RHOT1: variants seen among roughly 807,000 people sequenced by gnomAD.
RHOT1 encodes the protein ras homolog family member T1.
Under a neutral mutation model 95.3 loss-of-function variants are expected in RHOT1, and 27 were observed. The ratio of observed to expected loss-of-function variants is 0.28; its 90% CI spans 0.21 to 0.39. The LOEUF (loss-of-function observed/expected upper bound fraction) is 0.39. Ranked by LOEUF, RHOT1 falls within the 10% of genes least tolerant of loss-of-function variation. RHOT1 has a pLI of 1.00. For missense variants in RHOT1, 578 were observed against 786.7 expected, an observed-to-expected ratio of 0.73 and a Z score of 3.17; for synonymous variants, 227 against 263.5, an observed-to-expected ratio of 0.86 and a Z score of 1.34.
At chr17:32,154,270 G>A (rs1479060806) in intron 1 of RHOT1, among the ~76,000 whole-genome samples, 6 of 144,482 alleles carry the variant, frequency 4.2e-5, no homozygotes, top group Middle Eastern at 3.4e-3. Context: ...GGGAGACCCC[G>A]TCTCTACGAG....
At chr17:32,148,511 T>C (rs1008412108) in intron 1 of RHOT1, among the ~76,000 whole-genome samples, 3 of 131,134 alleles carry the variant, frequency 2.3e-5, no homozygotes, top group African/African-American at 8.6e-5. Flanking sequence ...TGATCTCGTT[T>C]GAAGGAGAAG....
At chr17:32,204,817 T>C (rs1024112740) in intron 16 of RHOT1, among the ~76,000 whole-genome samples, 29 of 151,650 alleles carry the variant, frequency 1.9e-4, no homozygotes, top group Non-Finnish European at 1.6e-4. Flanking sequence ...AAACCCTGTC[T>C]ACTAAAAGTA....
chr17:32,216,174 G>A (rs2038461662), intron 19 of RHOT1, among the ~76,000 whole-genome samples: 1 of 152,044 alleles, frequency 6.6e-6, no homozygotes, highest in African/African-American at 2.4e-5. Context: ...AATGTTACTA[G>A]ATTGTAGTGT....
At chr17:32,143,261 C>G in intron 1 of RHOT1, 1 of 365,262 alleles carries the variant, frequency 2.7e-6, no homozygotes, top group East Asian at 7.3e-5. Flanking sequence ...CAGGTTTCTG[C>G]ATTTTTTTGG....
chr17:32,201,076 T>TAC lies in RHOT1; in HGVS notation c.1201+20_1201+21insAC. On this transcript the variant is annotated intron_variant, in intron 14 of 19. Coordinates refer to ENST00000545287, the MANE Select transcript of RHOT1 (RefSeq NM_001033566.3). ...TTACAGGTAAGTATCTAGATACTGT[T>TAC]CAGCTCATGATTAGAGATATTTTTT... 1.4e-6 allele frequency: 2 copies of TAC among 1,392,768 alleles called. No individual in the cohort carries two copies. The highest frequency in any genetic ancestry group is 2.0e-6 in the Non-Finnish European group (2 of 999,280). 86.3% of individuals were successfully genotyped at this position (1,392,768 alleles called of 1,614,324 possible). A position where few individuals can be genotyped will look rare whatever the true frequency, so the allele number is the denominator to read the frequency against.
intron 19 of RHOT1, among the ~76,000 whole-genome samples, chr17:32,224,388 A>G (rs529497069): frequency 6.6e-6 from 1 of 152,344 alleles, no homozygotes; most frequent in Admixed American, 6.5e-5. Context: ...CTACTCCCAC[A>G]AAGTAGCTAA....
intron 8 of RHOT1, among the ~76,000 whole-genome samples, chr17:32,187,931 C>T (rs760931163): frequency 6.6e-6 from 1 of 152,196 alleles, no homozygotes; most frequent in African/African-American, 2.4e-5. Context: ...AATTATATTA[C>T]ATTCAAATTT....
intron 6 of RHOT1, among the ~76,000 whole-genome samples, chr17:32,178,647 GC>G (rs1284546575): frequency 6.6e-6 from 1 of 151,032 alleles, no homozygotes; most frequent in Non-Finnish European, 1.5e-5. Flanking sequence ...CTGCCCGGCT[GC>G]CCATCGTCTG....
In RHOT1 at chr17:32,211,105, T is replaced by G; in HGVS notation, c.1740-11T>G. ...AGAACTCAACTCCTGTCCTTCTGTG[T>G]GTTTTCGCAGCCATGCCCGGTTACG... On this transcript the variant is annotated splice_polypyrimidine_tract_variant and intron_variant, in intron 18 of 19. Transcript: ENST00000545287. The G allele has an allele frequency of 6.3e-7, 1 of 1,596,958 alleles. No individual in the cohort carries two copies. Among genetic ancestry groups the G allele is most frequent in the South Asian group, 1.1e-5 (1 of 89,720 alleles).
At chr17:32,204,635 TAA>T (rs57746638) in intron 16 of RHOT1, among the ~76,000 whole-genome samples, 3 of 149,336 alleles carry the variant, frequency 2.0e-5, no homozygotes, top group African/African-American at 7.4e-5. Context: ...TTAAAAAAAT[TAA>T]AAAAAAAATT....
chr17:32,150,558 A>G (rs1345137517), intron 1 of RHOT1: 1 of 1,560,294 alleles, frequency 6.4e-7, no homozygotes, highest in Non-Finnish European at 8.8e-7. Flanking sequence ...CTACAGCTAG[A>G]CCAGCAAAGG....
intron 11 of RHOT1, among the ~76,000 whole-genome samples, chr17:32,196,772 A>C (rs980853145): frequency 6.6e-6 from 1 of 151,994 alleles, no homozygotes; most frequent in African/African-American, 2.4e-5. Context: ...GTTCCTTTTC[A>C]TGTGGCTCCC....
At chr17:32,144,376 C>G (rs1035530533) in intron 1 of RHOT1, among the ~76,000 whole-genome samples, 4 of 151,898 alleles carry the variant, frequency 2.6e-5, no homozygotes, top group African/African-American at 7.3e-5. Flanking sequence ...GGTGAAACCC[C>G]GTCTCTACTA....
Position 32,193,147 on chromosome 17 carries a change from C to T in RHOT1, c.651C>T (p.Phe217=). Residue 217 remains phenylalanine, a synonymous_variant, in exon 10 of 20, where the codon TTC becomes TTT. Transcript: ENST00000545287. The part of the protein sequence containing the change: ...AELNFFQRIC[F]NTPLAPQALE... ...ATGTTTTTTGCTAGAGGATTTGTTT[C>T]AACACTCCATTAGCTCCTCAAGCTC... 6.2e-7 allele frequency: 1 copy of T among 1,603,932 alleles called. No homozygotes were observed. Among genetic ancestry groups the T allele is most frequent in the Non-Finnish European group, 8.5e-7 (1 of 1,174,188 alleles).
intron 8 of RHOT1, among the ~76,000 whole-genome samples, chr17:32,187,978 G>A (rs1178953273): frequency 5.3e-5 from 8 of 152,206 alleles, no homozygotes. Context: ...TTGTAACATA[G>A]CCATGGTCAT....
chr17:32,196,132 T>C (rs1248715085), intron 11 of RHOT1, among the ~76,000 whole-genome samples: 2 of 152,130 alleles, frequency 1.3e-5, no homozygotes, highest in Non-Finnish European at 2.9e-5. Context: ...AAATAAAAAT[T>C]TGGCTCTGTC....
chr17:32,146,296 C>T (rs576089722), intron 1 of RHOT1, among the ~76,000 whole-genome samples: 2 of 152,126 alleles, frequency 1.3e-5, no homozygotes, highest in Admixed American at 6.6e-5. Context: ...GTGGCTAGAA[C>T]AGACCTGGCA....
At chr17:32,175,075 T>C (rs2034886276) in intron 3 of RHOT1, among the ~76,000 whole-genome samples, 1 of 152,238 alleles carries the variant, frequency 6.6e-6, no homozygotes, top group Admixed American at 6.5e-5. Context: ...GACCAGATGC[T>C]GGCCTAGATT....
At chr17:32,215,792 A>G (rs1387976848) in intron 19 of RHOT1, among the ~76,000 whole-genome samples, 1 of 152,214 alleles carries the variant, frequency 6.6e-6, no homozygotes, top group African/African-American at 2.4e-5. Context: ...GTGTGAGAGT[A>G]GTGTTAAACA....
Sources: gnomAD v4.1 joint callset for allele counts (sites outside exome capture counted in the v4.1 genomes callset) on GRCh38, gnomAD v4.1.1 for gene constraint, MANE v1.5 for transcripts, NCBI Gene and HGNC (gene_info 2026-07-23, HGNC 2026-07-21) for gene names.